The following EFNA5 variants were observed in gnomAD, a reference collection of about 807,000 sequenced individuals.
The protein encoded by EFNA5 is ephrin-A5.
Under a neutral mutation model 22.9 loss-of-function variants are expected in EFNA5, and 5 were observed. The ratio of observed to expected loss-of-function variants is 0.22; its 90% CI spans 0.11 to 0.46. The LOEUF is 0.46. EFNA5 is among the 20% of genes least tolerant of loss of function. The probability of loss-of-function intolerance (pLI) is 0.99; values close to 1 mark genes in which losing one functional copy is unlikely to be tolerated. For missense variants in EFNA5, 237 were observed against 293.3 expected (o/e 0.81, Z 1.40); for synonymous variants, 113 against 112.2 (o/e 1.01, Z -0.04).
intron 1 of EFNA5, among the ~76,000 whole-genome samples, chr5:107,492,126 C>A (rs1011907703): frequency 6.6e-6 from 1 of 152,092 alleles, no homozygotes; most frequent in Non-Finnish European, 1.5e-5. Context: ...TGAGCCACCA[C>A]CCCTGGCCTA....
At chr5:107,610,457 C>A (rs188037257) in intron 1 of EFNA5, among the ~76,000 whole-genome samples, 1 of 152,114 alleles carries the variant, frequency 6.6e-6, no homozygotes. Context: ...CAGCCAAACA[C>A]GTTACGTGAA....
intron 1 of EFNA5, among the ~76,000 whole-genome samples, chr5:107,536,105 G>A (rs1471308065): frequency 6.6e-6 from 1 of 152,144 alleles, no homozygotes; most frequent in Non-Finnish European, 1.5e-5. Context: ...ATATGAGGGA[G>A]GCATTCACTG....
chr5:107,665,395 T>C (rs1260058485), intron 1 of EFNA5, among the ~76,000 whole-genome samples: 1 of 152,206 alleles, frequency 6.6e-6, no homozygotes, highest in East Asian at 1.9e-4. Flanking sequence ...AACTAAGTGT[T>C]CCCTCCAAAC....
chr5:107,566,990 T>G (rs1748677848), intron 1 of EFNA5, among the ~76,000 whole-genome samples: 1 of 152,248 alleles, frequency 6.6e-6, no homozygotes, highest in South Asian at 2.1e-4. Context: ...AGTTCTCATT[T>G]GAATTTGATA....
At chr5:107,401,245 C>T (rs252808) in intron 2 of EFNA5, among the ~76,000 whole-genome samples, 122,265 of 152,142 alleles carry the variant, frequency 0.8, 49,526 homozygotes, top group African/African-American at 0.83. Context: ...CCACATGTCA[C>T]ACAAATAGGA....
intron 1 of EFNA5, among the ~76,000 whole-genome samples, chr5:107,485,666 G>A (rs923673158): frequency 3.9e-5 from 6 of 152,234 alleles, no homozygotes; most frequent in African/African-American, 1.2e-4. Context: ...GGAACTAATC[G>A]GAACTGGGGT....
intron 2 of EFNA5, among the ~76,000 whole-genome samples, chr5:107,401,601 G>A (rs1748086063): frequency 2.6e-5 from 4 of 152,192 alleles, no homozygotes; most frequent in African/African-American, 9.7e-5. Flanking sequence ...TTCTGTGGTT[G>A]CAGGAGGGGG....
At chr5:107,576,593 C>T in intron 1 of EFNA5, among the ~76,000 whole-genome samples, 1 of 152,142 alleles carries the variant, frequency 6.6e-6, no homozygotes, top group East Asian at 1.9e-4. Flanking sequence ...TAAATTTACC[C>T]ATGGAAATAA....
At chr5:107,463,355 C>T (rs1332277615) in intron 1 of EFNA5, among the ~76,000 whole-genome samples, 3 of 152,010 alleles carry the variant, frequency 2.0e-5, no homozygotes, top group African/African-American at 7.2e-5. Flanking sequence ...ATAAAGTTCA[C>T]TTTCATCAGT....
intron 1 of EFNA5, among the ~76,000 whole-genome samples, chr5:107,449,003 T>C (rs1431668131): frequency 6.6e-6 from 1 of 151,998 alleles, no homozygotes; most frequent in African/African-American, 2.4e-5. Context: ...CATGTGAGGT[T>C]AAAGACCTGG....
At chr5:107,535,334 A>C (rs1184573377) in intron 1 of EFNA5, among the ~76,000 whole-genome samples, 1 of 152,232 alleles carries the variant, frequency 6.6e-6, no homozygotes, top group African/African-American at 2.4e-5. Context: ...AAAAGTAGGC[A>C]ATTTGCCAGT....
intron 2 of EFNA5, among the ~76,000 whole-genome samples, chr5:107,405,463 G>T (rs1434042971): frequency 1.3e-5 from 2 of 152,122 alleles, no homozygotes. Flanking sequence ...AAGTCAATAA[G>T]GTACACCAAA....
At chr5:107,650,531 C>T (rs907939244) in intron 1 of EFNA5, among the ~76,000 whole-genome samples, 1 of 152,120 alleles carries the variant, frequency 6.6e-6, no homozygotes, top group Non-Finnish European at 1.5e-5. Context: ...GTATTGTTCC[C>T]TATAGCTTAA....
rs189478947 is a variant in EFNA5 at position 107,458,197 on chromosome 5, A to G, written c.126-30688T>C. ...TCTCTGACCTCTTTACAGTTTTTAC[A>G]GTTGTTATAATTATTTGAACAGTTT... On this transcript the variant is annotated intron_variant, in intron 1 of 4. Coordinates refer to ENST00000333274, the MANE Select transcript of EFNA5 (RefSeq NM_001962.3). Among the ~76,000 whole-genome samples, 173 of 152,260 alleles carry G rather than the reference A, an allele frequency of 1.1e-3. 1 individual carries two copies. Among genetic ancestry groups the G allele is most frequent in the African/African-American group, 3.3e-3 (137 of 41,578 alleles).
intron 1 of EFNA5, among the ~76,000 whole-genome samples, chr5:107,608,884 A>G (rs1383989969): frequency 1.3e-5 from 2 of 152,214 alleles, no homozygotes; most frequent in Non-Finnish European, 2.9e-5. Flanking sequence ...AGCCAACAGA[A>G]CACTTTACTA....
At chr5:107,567,632 G>A (rs1200999228) in intron 1 of EFNA5, among the ~76,000 whole-genome samples, 2 of 152,198 alleles carry the variant, frequency 1.3e-5, no homozygotes, top group East Asian at 1.9e-4. Flanking sequence ...AAGACAAAAG[G>A]CAGACATTCA....
chr5:107,443,429 A>G (rs1025297923), intron 1 of EFNA5, among the ~76,000 whole-genome samples: 2 of 152,186 alleles, frequency 1.3e-5, no homozygotes, highest in African/African-American at 4.8e-5. Context: ...CCCCCTCAAG[A>G]ACAGCATAAT....
intron 1 of EFNA5, among the ~76,000 whole-genome samples, chr5:107,658,383 T>C (rs1337960318): frequency 6.6e-6 from 1 of 152,184 alleles, no homozygotes; most frequent in African/African-American, 2.4e-5. Context: ...CAGTGGAATT[T>C]GTCTACAGAG....
chr5:107,458,282 A>T (rs3909931), intron 1 of EFNA5, among the ~76,000 whole-genome samples: 27,902 of 152,114 alleles, frequency 0.18, 3,297 homozygotes, highest in South Asian at 0.37. Flanking sequence ...ACTATGTGCT[A>T]TGTATCACCT....
Sources: allele counts gnomAD v4.1 joint callset (sites outside exome capture counted in the v4.1 genomes callset), GRCh38; gene constraint gnomAD v4.1.1; transcripts MANE v1.5; gene names NCBI Gene and HGNC (gene_info 2026-07-23, HGNC 2026-07-21).